The following MAEL variants were observed in gnomAD, a reference collection of about 807,000 sequenced individuals.
MAEL encodes maelstrom spermatogenic transposon silencer.
A neutral mutation model predicts 62.0 loss-of-function variants in MAEL; 46 were observed. That is an observed-to-expected ratio of 0.74 (90% CI 0.59 to 0.95). The LOEUF (loss-of-function observed/expected upper bound fraction) is 0.95. Ranked by LOEUF, MAEL falls within the 40% of genes least tolerant of loss-of-function variation. The probability of loss-of-function intolerance (pLI) is 0.00; values close to 1 mark genes in which losing one functional copy is unlikely to be tolerated. For missense variants in MAEL, 497 were observed against 526.8 expected (o/e 0.94, Z 0.55); for synonymous variants, 172 against 175.5 (o/e 0.98, Z 0.16).
At chr1:166,978,023 T>C (rs1663646981) in intron 1 of MAEL, among the ~76,000 whole-genome samples, 1 of 152,178 alleles carries the variant, frequency 6.6e-6, no homozygotes, top group Non-Finnish European at 1.5e-5. Flanking sequence ...GGAGATGGAC[T>C]GAGTGAAGGA....
intron 8 of MAEL, among the ~76,000 whole-genome samples, chr1:167,008,116 T>TG (rs1665010407): frequency 6.6e-6 from 1 of 152,144 alleles, no homozygotes; most frequent in Admixed American, 6.6e-5. Flanking sequence ...TAAATTAACT[T>TG]GGGGATAACT....
upstream of MAEL, among the ~76,000 whole-genome samples, chr1:166,987,553 G>A (rs1452357638): frequency 6.6e-6 from 1 of 152,178 alleles, no homozygotes; most frequent in Non-Finnish European, 1.5e-5. Flanking sequence ...CCTATGATAA[G>A]TATAAGAAAC....
chr1:167,016,146 G>T, intron 8 of MAEL, 76 bp from the exon 9 acceptor site: 1 of 1,253,374 alleles, frequency 8.0e-7, no homozygotes, highest in Non-Finnish European at 1.2e-6. Flanking sequence ...AAAGATTTCA[G>T]ATAGAAATCT....
At chr1:166,995,926 A>G (rs901566146) in intron 5 of MAEL, among the ~76,000 whole-genome samples, 3 of 152,240 alleles carry the variant, frequency 2.0e-5, no homozygotes, top group African/African-American at 4.8e-5. Context: ...ATTAACAGAA[A>G]GCATGGTTCT....
At chr1:166,995,098 T>C (rs1664362867) in intron 5 of MAEL, among the ~76,000 whole-genome samples, 1 of 152,044 alleles carries the variant, frequency 6.6e-6, no homozygotes, top group Admixed American at 6.6e-5. Flanking sequence ...AACACTGTTC[T>C]TTATAAATGA....
intron 4 of MAEL, 106 bp from the exon 5 acceptor site, chr1:166,993,922 T>C (rs1311425777): frequency 1.2e-5 from 9 of 762,442 alleles, no homozygotes; most frequent in Non-Finnish European, 1.9e-5. Flanking sequence ...TTTCATGTAA[T>C]AAAAATTACC....
intron 1 of MAEL, among the ~76,000 whole-genome samples, chr1:166,980,224 C>G (rs1663719188): frequency 6.6e-6 from 1 of 151,944 alleles, no homozygotes; most frequent in African/African-American, 2.4e-5. Flanking sequence ...CTGCATCTTG[C>G]TATGTTGCCC....
Position 167,004,209 on chromosome 1 carries a change from A to G in MAEL, c.553A>G (p.Asn185Asp), listed in dbSNP as rs765569672. ...TTCTAGTCACAAGATTCCTATTTCA[A>G]ATTTTGAACGTGGGCATAACCAAGC... ...SDSSHKIPIS[N>D]FERGHNQATV... Residue 185 changes from asparagine to aspartate, a missense_variant, in exon 6 of 12, where the codon AAT (asparagine) becomes GAT (aspartate). Coordinates refer to ENST00000367872, the MANE Select transcript of MAEL (RefSeq NM_032858.3). The G allele has an allele frequency of 1.6e-5, 25 of 1,609,908 alleles. 1 individual carries two copies. The South Asian group carries it at 1.8e-4, about 11-fold the overall frequency.
intron 8 of MAEL, among the ~76,000 whole-genome samples, chr1:167,013,092 G>A (rs1018290227): frequency 1.3e-5 from 2 of 152,046 alleles, no homozygotes; most frequent in African/African-American, 4.8e-5. Flanking sequence ...AGGAGGAGAG[G>A]AGCAAGGTTA....
chr1:166,987,249 C>T (rs868627024), upstream of MAEL, among the ~76,000 whole-genome samples: 5 of 152,090 alleles, frequency 3.3e-5, no homozygotes, highest in African/African-American at 1.2e-4. Context: ...ACAGTTTTAC[C>T]TTTTCTCAAG....
intron 1 of MAEL, among the ~76,000 whole-genome samples, chr1:166,981,208 G>A (rs1333707483): frequency 2.6e-5 from 4 of 152,174 alleles, no homozygotes; most frequent in African/African-American, 9.7e-5. Context: ...TGTTAATTCT[G>A]TACTCCTTCC....
rs376351090 is a variant in MAEL, at chr1:166,989,332, A to C, written c.-21A>C. ...CCGGTGCTTTGTTCTGTCTGAGGCC[A>C]GGAAGTTTGACCGCGCTGCCATGCC... On this transcript the variant is annotated 5_prime_UTR_variant, in exon 1 of 12. Coordinates refer to ENST00000367872, the MANE Select transcript of MAEL (RefSeq NM_032858.3). 28 of 1,604,960 alleles carry C rather than the reference A, an allele frequency of 1.7e-5. No homozygotes were observed. The highest frequency in any genetic ancestry group is 1.1e-4 in the African/African-American group (8 of 74,842).
At chr1:167,006,061 A>G (rs1207992006) in intron 8 of MAEL, 1 of 152,250 alleles carries the variant, frequency 6.6e-6, no homozygotes, top group African/African-American at 2.4e-5. Context: ...GCCTGGGAAT[A>G]CTGGGTGCTG....
At chr1:166,985,856 C>T (rs900887457), upstream of MAEL, among the ~76,000 whole-genome samples, 2 of 151,984 alleles carry the variant, frequency 1.3e-5, no homozygotes, top group African/African-American at 4.8e-5. Context: ...AGAAATGAAA[C>T]AGATAATACA....
At chr1:167,004,097 T>G in intron 5 of MAEL, 83 bp from the exon 6 acceptor site, 1 of 1,237,014 alleles carries the variant, frequency 8.1e-7, no homozygotes, top group Non-Finnish European at 1.1e-6. Context: ...CCCACTACTC[T>G]CTTCTTGTAC....
In MAEL at chr1:167,005,317, A is replaced by G. The variant is rs750166070; in HGVS notation, c.765A>G (p.Gln255=). The change falls in exon 8 of 12, where the codon CAA becomes CAG. Residue 255 remains glutamine (Q), a synonymous_variant. Coordinates refer to ENST00000367872, the MANE Select transcript of MAEL (RefSeq NM_032858.3). ...VEDLVVGIYQ[Q]KFLKEPSKTW... ...ACCTTGTAGTGGGGATCTACCAACA[A>G]AAATTTCTCAAGGAGCCCTCTAAGA... 1 of 1,613,692 alleles carries G rather than the reference A, an allele frequency of 6.2e-7. No individual in the cohort carries two copies. Among genetic ancestry groups the G allele is most frequent in the South Asian group, 1.1e-5 (1 of 91,054 alleles).
Position 166,989,796 on chromosome 1 carries a change from T to G in MAEL, c.192T>G (p.Ala64=), listed in dbSNP as rs774654550. ...AAATGGCTCGAGAATGGAGGGCCGC[T>G]CAGGGAAAGGACCCTGGGCCCTCAG... ...YAEMAREWRA[A]QGKDPGPSEK... The change falls in exon 2 of 12, where the codon GCT becomes GCG. Residue 64 remains alanine, a synonymous_variant. Transcript: ENST00000367872. 1 of 1,613,906 alleles carries G rather than the reference T, an allele frequency of 6.2e-7. No individual in the cohort carries two copies. The highest frequency in any genetic ancestry group is 1.7e-5 in the Admixed American group (1 of 60,016).
At chr1:167,006,191 G>A (rs1369001628) in intron 8 of MAEL, 11 of 152,102 alleles carry the variant, frequency 7.2e-5, no homozygotes, top group East Asian at 3.9e-4. Context: ...TATCTAATCC[G>A]AAGACCATAT....
chr1:167,015,371 A>G (rs1665346114), intron 8 of MAEL, among the ~76,000 whole-genome samples: 2 of 152,196 alleles, frequency 1.3e-5, no homozygotes, highest in Admixed American at 1.3e-4. Context: ...GTAGTCTTCC[A>G]TTCATCCATG....
Sources: allele counts gnomAD v4.1 joint callset (sites outside exome capture counted in the v4.1 genomes callset), GRCh38; gene constraint gnomAD v4.1.1; transcripts MANE v1.5; gene names NCBI Gene and HGNC (gene_info 2026-07-23, HGNC 2026-07-21).